Variants in SENP7 observed in about 807,000 individuals in gnomAD.
SENP7 encodes the protein SUMO specific peptidase 7, also known as sentrin-specific protease 7.
Under a neutral mutation model 141.2 loss-of-function variants are expected in SENP7, and 64 were observed. The ratio of observed to expected loss-of-function variants is 0.45; its 90% confidence interval spans 0.37 to 0.56. SENP7 has a LOEUF of 0.56. Ranked by LOEUF, SENP7 falls within the 20% of genes least tolerant of loss-of-function variation. The pLI, the probability that SENP7 is intolerant of heterozygous loss-of-function variation, is 0.00. For missense variants in SENP7, 1,025 were observed against 1,212.2 expected (o/e 0.85, Z 2.29); for synonymous variants, 382 against 426.4 (o/e 0.90, Z 1.28).
At chr3:101,448,345 C>A (rs186950938) in intron 4 of SENP7, among the ~76,000 whole-genome samples, 2 of 152,246 alleles carry the variant, frequency 1.3e-5, no homozygotes, top group Admixed American at 1.3e-4. Context: ...AAATCATATA[C>A]CTGATAAGGG....
chr3:101,361,007 C>T lies in SENP7; in HGVS notation c.1623+708G>A, dbSNP rs150165360. ...TCACTTGAGGCCAAGAGTTCAAGACCGGCTTGGCGAACATGGTGAAGCTCC... is the reference window on the plus strand; with the variant it reads ...TCACTTGAGGCCAAGAGTTCAAGACTGGCTTGGCGAACATGGTGAAGCTCC... On this transcript the variant is annotated intron_variant, in intron 11 of 23. Coordinates refer to ENST00000394095, the MANE Select transcript of SENP7 (RefSeq NM_020654.5). Among the ~76,000 whole-genome samples, 268 of 152,112 alleles carry T rather than the reference C, an allele frequency of 1.8e-3. 2 individuals are homozygous for T. Among genetic ancestry groups the T allele is most frequent in the African/African-American group, 6.0e-3 (251 of 41,508 alleles).
chr3:101,444,394 A>G (rs2062802771), intron 4 of SENP7, among the ~76,000 whole-genome samples: 2 of 152,018 alleles, frequency 1.3e-5, no homozygotes, highest in African/African-American at 2.4e-5. Context: ...ATTACTGGGT[A>G]TATACCCAAA....
At chr3:101,509,947 T>C (rs866687067) in intron 1 of SENP7, among the ~76,000 whole-genome samples, 2 of 152,124 alleles carry the variant, frequency 1.3e-5, no homozygotes, top group African/African-American at 2.4e-5. Flanking sequence ...CTTAGCACAA[T>C]GTCTAGTGCC....
chr3:101,397,063 G>A (rs892783386), intron 6 of SENP7, among the ~76,000 whole-genome samples: 1 of 152,062 alleles, frequency 6.6e-6, no homozygotes, highest in Admixed American at 6.5e-5. Context: ...GGCTGGCCTC[G>A]AACTCCTGAC....
chr3:101,350,434 G>A (rs1051051073), intron 12 of SENP7, among the ~76,000 whole-genome samples: 5 of 152,108 alleles, frequency 3.3e-5, no homozygotes, highest in Admixed American at 2.6e-4. Context: ...TGCATGCTTT[G>A]TTTTAAAAAG....
chr3:101,400,910 C>G (rs62280675), intron 5 of SENP7, among the ~76,000 whole-genome samples: 20,914 of 151,694 alleles, frequency 0.14, 1,466 homozygotes, highest in South Asian at 0.18. Context: ...GCCTGGGAAA[C>G]ACGGCAAGAC....
rs541067353 is a variant in SENP7 at position 101,505,835 on chromosome 3, A to T, written c.41-4716T>A. Among the ~76,000 whole-genome samples, 6 of 152,280 alleles carry T rather than the reference A, an allele frequency of 3.9e-5. No individual in the cohort carries two copies. In the South Asian group the frequency reaches 1.2e-3, roughly 32 times the overall value. On this transcript the variant is annotated intron_variant, in intron 1 of 23. Transcript: ENST00000394095. The stretch of plus-strand genomic sequence containing the variant: ...TATTAAGGCATTTAGCATTATGACT[A>T]ACACATAGTTAGTGCAAAAGAAATG...
At chr3:101,431,802 C>G (rs2062187739) in intron 4 of SENP7, among the ~76,000 whole-genome samples, 1 of 152,050 alleles carries the variant, frequency 6.6e-6, no homozygotes, top group Admixed American at 6.6e-5. Context: ...TCATCCATCC[C>G]TGAGGTCTGC....
intron 1 of SENP7, among the ~76,000 whole-genome samples, chr3:101,511,536 C>T (rs533524702): frequency 6.6e-6 from 1 of 152,262 alleles, no homozygotes; most frequent in South Asian, 2.1e-4. Flanking sequence ...TATTAAAACA[C>T]TCATCAGTTG....
At chr3:101,406,505 C>T (rs1043471692) in intron 5 of SENP7, among the ~76,000 whole-genome samples, 4 of 151,358 alleles carry the variant, frequency 2.6e-5, no homozygotes, top group African/African-American at 9.7e-5. Context: ...ATGGGTGCAG[C>T]ACACCAACAT....
chr3:101,462,147 A>C (rs1284234866), intron 3 of SENP7, among the ~76,000 whole-genome samples: 1 of 152,262 alleles, frequency 6.6e-6, no homozygotes, highest in Non-Finnish European at 1.5e-5. Flanking sequence ...CACTAAATTG[A>C]ATGCCATAAA....
At position 101,337,529 on chromosome 3, in the gene SENP7, T is replaced by C; in HGVS notation, c.2460A>G (p.Thr820=). ...CTTACGAAAGATTTGGATTATCTTC[T>C]GTTAAATTATTTTCCTTTCTTGTCA... ...KCLTRKENNL[T]EDNPNLSMAQ... The change falls in exon 17 of 24, where the codon ACA becomes ACG. Residue 820 remains threonine (T), a synonymous_variant. Coordinates refer to ENST00000394095, the MANE Select transcript of SENP7 (RefSeq NM_020654.5). The C allele has an allele frequency of 6.5e-7, 1 of 1,545,982 alleles. No homozygotes were observed.
intron 6 of SENP7, among the ~76,000 whole-genome samples, chr3:101,382,100 A>G (rs190166983): frequency 1.3e-5 from 2 of 152,356 alleles, no homozygotes; most frequent in East Asian, 3.9e-4. Context: ...AAGGCTAATT[A>G]CCAATCCCTG....
At chr3:101,481,528 T>C (rs2064480626) in intron 3 of SENP7, among the ~76,000 whole-genome samples, 1 of 152,154 alleles carries the variant, frequency 6.6e-6, no homozygotes, top group Non-Finnish European at 1.5e-5. Context: ...GGTTGGTTAA[T>C]GGCTACAAAC....
intron 12 of SENP7, among the ~76,000 whole-genome samples, chr3:101,349,695 TA>T (rs1469551658): frequency 1.3e-5 from 2 of 152,076 alleles, no homozygotes; most frequent in Non-Finnish European, 2.9e-5. Flanking sequence ...AATAATAATT[TA>T]AAAAAAGATT....
rs570191738 is a variant in SENP7 at position 101,463,145 on chromosome 3, C to T, written c.187-4093G>A. 2.0e-5 allele frequency among the ~76,000 whole-genome samples: 3 copies of T among 151,628 alleles called. No homozygotes were observed. The East Asian group carries it at 5.9e-4, about 30-fold the overall frequency. ...CTTTGGGAGGCTGAGGCAGGAAGAT[C>T]ACTTGACGTCAGAAGTTTGAGACCA... is the stretch of plus-strand genomic sequence containing the variant. On this transcript the variant is annotated intron_variant, in intron 3 of 23. Transcript: ENST00000394095.
chr3:101,340,026 A>G, intron 16 of SENP7, 69 bp downstream of exon 16: 1 of 1,459,442 alleles, frequency 6.9e-7, no homozygotes, highest in South Asian at 1.5e-5. Flanking sequence ...ATTCAGAGAT[A>G]AAGACATTTA....
intron 4 of SENP7, among the ~76,000 whole-genome samples, chr3:101,435,762 T>G (rs939604758): frequency 3.3e-5 from 5 of 151,658 alleles, no homozygotes; most frequent in Admixed American, 6.6e-5. Context: ...AAACAATTAT[T>G]AAGAAATATG....
At chr3:101,452,736 ATG>A (rs2063191023) in intron 4 of SENP7, among the ~76,000 whole-genome samples, 2 of 152,244 alleles carry the variant, frequency 1.3e-5, no homozygotes, top group Admixed American at 1.3e-4. Context: ...AAAGACTTAC[ATG>A]TTAGACCTAA....
Sources: allele counts gnomAD v4.1 joint callset (sites outside exome capture counted in the v4.1 genomes callset), GRCh38; gene constraint gnomAD v4.1.1; transcripts MANE v1.5; gene names NCBI Gene and HGNC (gene_info 2026-07-23, HGNC 2026-07-21).